CFAP74: variants seen among roughly 807,000 people sequenced by gnomAD.
The protein encoded by CFAP74 is cilia- and flagella-associated protein 74.
CFAP74 carries 124 observed loss-of-function variants against 188.9 expected under a neutral mutation model. That is an observed-to-expected ratio of 0.66 (90% CI 0.57 to 0.76). The LOEUF is 0.76. CFAP74 is among the 30% of genes least tolerant of loss of function. The pLI is 0.00. For synonymous variants in CFAP74, 956 were observed against 916.7 expected, an observed-to-expected ratio of 1.04 and a Z score of -0.77; for missense variants, 2,198 against 2,165.2, an observed-to-expected ratio of 1.02 and a Z score of -0.30.
In CFAP74 at chr1:1,924,367, ACCCACCCCCCACCCCCCGCTCACCG is replaced by A; in HGVS notation, c.4233_4234+23del. 1 of 44,634 alleles carries A rather than the reference ACCCACCCCCCACCCCCCGCTCACCG, an allele frequency of 2.2e-5. No homozygotes were observed. The highest frequency in any genetic ancestry group is 4.9e-5 in the Non-Finnish European group (1 of 20,284). 2.8% of individuals were successfully genotyped at this position (44,634 alleles called of 1,614,324 possible). On this transcript the variant is annotated splice_donor_variant and splice_donor_5th_base_variant and coding_sequence_variant and intron_variant, in exon 34 of 39. Coordinates refer to ENST00000682832, the MANE Select transcript of CFAP74 (RefSeq NM_001304360.2). LOFTEE classifies it high-confidence loss of function. ...TCACCGCCCACCCCCGCAGCTCACC[ACCCACCCCCCACCCCCCGCTCACCG>A]ACCACCTCCGTCCTCTGGGAGGGCG...
At chr1:1,974,917 G>A (rs1374176323) in intron 6 of CFAP74, among the ~76,000 whole-genome samples, 1 of 152,268 alleles carries the variant, frequency 6.6e-6, no homozygotes, top group Non-Finnish European at 1.5e-5. Flanking sequence ...AGCCGCTGGA[G>A]AGGCGGCCTG....
Position 1,972,035 on chromosome 1 carries a change from A to G in CFAP74, c.833T>C (p.Met278Thr), listed in dbSNP as rs756913956. ...KKEEMECHEY[M>T]RRRMDAVVAL... ...CACCACCGCATCCATGCGTCGCCTC[A>G]TGTACTCGTGGCACTCCATCTCCTC... The change falls in exon 9 of 39, where the codon ATG (methionine) becomes ACG (threonine). Residue 278 changes from methionine (M) to threonine (T), a missense_variant. Met to Thr is a moderately conservative substitution (Grantham distance 81). Coordinates refer to ENST00000682832, the MANE Select transcript of CFAP74 (RefSeq NM_001304360.2). 3.1e-6 allele frequency: 5 copies of G among 1,612,932 alleles called. No homozygotes were observed. In the African/African-American group the frequency reaches 4.0e-5, roughly 13 times the overall value.
chr1:1,991,843 T>C (rs530927015), intron 1 of CFAP74, among the ~76,000 whole-genome samples: 2 of 151,834 alleles, frequency 1.3e-5, no homozygotes, highest in South Asian at 2.1e-4. Context: ...ATCGAGACTA[T>C]CCTGGCTAGC....
At chr1:1,990,442 C>A (rs1657501350) in intron 2 of CFAP74, among the ~76,000 whole-genome samples, 1 of 129,300 alleles carries the variant, frequency 7.7e-6, no homozygotes, top group Non-Finnish European at 1.5e-5. Context: ...CAGCACACAA[C>A]AGAACCCAAA....
chr1:1,945,842 A>AAAGAAC lies in CFAP74; in HGVS notation c.2364+474_2364+475insGTTCTT, dbSNP rs1553222918. On this transcript the variant is annotated intron_variant, in intron 20 of 38. Coordinates refer to ENST00000682832, the MANE Select transcript of CFAP74 (RefSeq NM_001304360.2). ...GACCCTAACTCAAAAAAAAAAAAAA[A>AAAGAAC]AAAGAACAAAGGCTCTGCGTGTGTG... Among the ~76,000 whole-genome samples, 181 of 144,054 alleles carry AAAGAAC rather than the reference A, an allele frequency of 1.3e-3. 2 individuals carry two copies. Among genetic ancestry groups the AAAGAAC allele is most frequent in the Admixed American group, 2.3e-3 (32 of 14,174 alleles). 94.5% of individuals were successfully genotyped at this position (144,054 alleles called of 152,430 possible). A position where few individuals can be genotyped will look rare whatever the true frequency, so the allele number is the denominator to read the frequency against.
Position 1,988,869 on chromosome 1 carries a change from C to A in CFAP74, c.152+20G>T. Reference sequence around the variant, plus strand: ...CCCCACCCCCCCACACCCACCTCCACCCCCGATCCTCCGAGTTACCTGCTG... The same window carrying A: ...CCCCACCCCCCCACACCCACCTCCAACCCCGATCCTCCGAGTTACCTGCTG... On this transcript the variant is annotated intron_variant, in intron 3 of 38. Transcript: ENST00000682832. 3.6e-6 allele frequency: 4 copies of A among 1,098,572 alleles called. No individual in the cohort carries two copies. The highest frequency in any genetic ancestry group is 5.3e-5 in the East Asian group (2 of 37,810). 68.1% of individuals were successfully genotyped at this position (1,098,572 alleles called of 1,614,324 possible).
intron 12 of CFAP74, 104 bp from the exon 13 acceptor site, chr1:1,965,165 C>T: frequency 8.9e-7 from 1 of 1,127,656 alleles, no homozygotes; most frequent in Non-Finnish European, 1.2e-6. Flanking sequence ...CACGGACAGC[C>T]CAGCCCCACC....
At chr1:1,980,902 C>T (rs1228646312) in intron 6 of CFAP74, among the ~76,000 whole-genome samples, 1 of 152,216 alleles carries the variant, frequency 6.6e-6, no homozygotes. Flanking sequence ...AGGGCTGGGG[C>T]GGCCTGTTCT....
intron 18 of CFAP74, chr1:1,953,209 T>C (rs942647512): frequency 6.6e-6 from 1 of 152,058 alleles, no homozygotes; most frequent in African/African-American, 2.4e-5. Flanking sequence ...ACAATGGCTC[T>C]GGCATAAGAA....
Position 1,944,406 on chromosome 1 carries a change from ACCCAGACC to A in CFAP74, c.2403_2410del (p.Val802AlafsTer13), listed in dbSNP as rs1653608453. ...CTTCAGGTCCACGCTGGGCTTCGGC[ACCCAGACC>A]GGCACATCGATGGCCACGCCCACGA... On this transcript the variant is annotated frameshift_variant, in exon 21 of 39. Transcript: ENST00000682832. LOFTEE classifies it high-confidence loss of function. 1.3e-6 allele frequency: 2 copies of A among 1,535,996 alleles called. No homozygotes were observed. Among genetic ancestry groups the A allele is most frequent in the Non-Finnish European group, 1.7e-6 (2 of 1,146,908 alleles).
chr1:1,975,775 T>C lies in CFAP74; in HGVS notation c.501-1577A>G, dbSNP rs1315557600. On this transcript the variant is annotated intron_variant, in intron 6 of 38. Transcript: ENST00000682832. The surrounding 1 kb of genome is among the most constrained non-coding windows in gnomAD (Gnocchi z 4.5). ...ATCTGAGGATTCATGCTCCCATCAA[T>C]TCTGGAAAACGCTCAGTCATTGTTC... Among the ~76,000 whole-genome samples the C allele has an allele frequency of 6.6e-6, 1 of 152,146 alleles. No individual in the cohort carries two copies. The highest frequency in any genetic ancestry group is 1.5e-5 in the Non-Finnish European group (1 of 68,016).
At chr1:1,971,323 TTGCACACC>T (rs1245516711) in intron 9 of CFAP74, among the ~76,000 whole-genome samples, 2 of 107,172 alleles carry the variant, frequency 1.9e-5, no homozygotes, top group Non-Finnish European at 3.9e-5. Context: ...CTGCAGACAC[TTGCACACC>T]TGCACACACG....
At chr1:1,947,086 T>G (rs1025419778) in intron 18 of CFAP74, 32 bp from the exon 19 acceptor site, 8 of 1,505,528 alleles carry the variant, frequency 5.3e-6, no homozygotes, top group Middle Eastern at 3.4e-4. Flanking sequence ...GAGGTGAGGG[T>G]TGGCAGGGTG....
chr1:1,967,495 T>C (rs35186797), intron 11 of CFAP74, among the ~76,000 whole-genome samples: 32,653 of 150,990 alleles, frequency 0.22, 3,747 homozygotes, highest in East Asian at 0.26. Flanking sequence ...AGGGTGCTCC[T>C]GGCGGAGGGA....
intron 1 of CFAP74, among the ~76,000 whole-genome samples, chr1:1,994,568 G>A (rs925674820): frequency 6.6e-6 from 1 of 152,190 alleles, no homozygotes. Context: ...TGATTAAGCT[G>A]CTAGTCTTTG....
chr1:1,995,302 G>A (rs890966207), intron 1 of CFAP74, among the ~76,000 whole-genome samples: 2 of 152,038 alleles, frequency 1.3e-5, no homozygotes, highest in African/African-American at 4.8e-5. Flanking sequence ...GACCAGCCTG[G>A]CCAACATAGT....
chr1:1,977,537 T>G (rs916141280), intron 6 of CFAP74, among the ~76,000 whole-genome samples: 7 of 152,032 alleles, frequency 4.6e-5, no homozygotes, highest in Non-Finnish European at 1.5e-5. Flanking sequence ...TGAACTGAAC[T>G]GAGAGGAGAA....
At chr1:1,964,560 C>T (rs574590802) in intron 13 of CFAP74, among the ~76,000 whole-genome samples, 15 of 152,336 alleles carry the variant, frequency 9.8e-5, no homozygotes, top group South Asian at 6.2e-4. Context: ...GAGGCTGAGG[C>T]GGGCAGATCG....
chr1:1,952,592 A>T (rs1417316369), intron 18 of CFAP74, among the ~76,000 whole-genome samples: 1 of 150,760 alleles, frequency 6.6e-6, no homozygotes, highest in Non-Finnish European at 1.5e-5. Flanking sequence ...AGCAAAGAAA[A>T]AGAAAGAAAG....
Sources: allele counts gnomAD v4.1 joint callset (sites outside exome capture counted in the v4.1 genomes callset), GRCh38; gene constraint gnomAD v4.1.1; non-coding constraint Gnocchi (gnomAD v3.1); transcripts MANE v1.5; gene names NCBI Gene and HGNC (gene_info 2026-07-23, HGNC 2026-07-21).